The following ARAP1 variants were observed in gnomAD, a reference collection of about 807,000 sequenced individuals.
ARAP1 encodes the protein ArfGAP with RhoGAP domain, ankyrin repeat and PH domain 1, also known as arf-GAP with Rho-GAP domain, ANK repeat and PH domain-containing protein 1.
A neutral mutation model predicts 172.2 loss-of-function variants in ARAP1; 76 were observed. The ratio of observed to expected loss-of-function variants is 0.44; its 90% CI spans 0.37 to 0.53. The LOEUF (loss-of-function observed/expected upper bound fraction) is 0.53. Among genes scored for constraint, ARAP1 ranks in the 20% least tolerant of loss-of-function variants. The pLI, the probability that ARAP1 is intolerant of heterozygous loss-of-function variation, is 0.00. For missense variants in ARAP1, 1,686 were observed against 1,977.5 expected (o/e 0.85, Z 2.80); for synonymous variants, 804 against 803.3 (o/e 1.00, Z -0.01).
chr11:72,742,551 G>A (rs12271961), intron 1 of ARAP1, among the ~76,000 whole-genome samples: 27,130 of 152,014 alleles, frequency 0.18, 3,785 homozygotes, highest in African/African-American at 0.39. Flanking sequence ...TAGAGGGAGA[G>A]GGAGGCTGAG....
intron 11 of ARAP1, chr11:72,708,179 C>T (rs1425999210): frequency 6.6e-6 from 1 of 152,120 alleles, no homozygotes; most frequent in Non-Finnish European, 1.5e-5. Flanking sequence ...GACCCATTGC[C>T]ACAACCAAGG....
chr11:72,715,002 G>A (rs562436845), intron 3 of ARAP1, among the ~76,000 whole-genome samples: 58 of 152,288 alleles, frequency 3.8e-4, no homozygotes, highest in Admixed American at 7.8e-4. Flanking sequence ...GGGCTCTCAC[G>A]GCCCCACAGT....
chr11:72,719,230 A>C (rs1410144115), intron 3 of ARAP1, among the ~76,000 whole-genome samples: 1 of 152,204 alleles, frequency 6.6e-6, no homozygotes, highest in Non-Finnish European at 1.5e-5. Flanking sequence ...GAGGGAACAC[A>C]TCACTGCCCT....
At chr11:72,721,567 G>A (rs970036946) in intron 3 of ARAP1, among the ~76,000 whole-genome samples, 8 of 152,176 alleles carry the variant, frequency 5.3e-5, no homozygotes, top group African/African-American at 1.2e-4. Flanking sequence ...AACAGGCACC[G>A]TGGGCTCCTG....
rs1434403166 is a variant in ARAP1, at chr11:72,695,040, C to T, written c.3634G>A (p.Val1212Met). The T allele has an allele frequency of 3.1e-6, 5 of 1,614,156 alleles. No individual in the cohort carries two copies. Among genetic ancestry groups the T allele is most frequent in the East Asian group, 4.5e-5 (2 of 44,888 alleles). The change falls in exon 27 of 35, where the codon GTG becomes ATG. Residue 1212 changes from valine (V) to methionine (M), a missense_variant. Coordinates refer to ENST00000393609, the MANE Select transcript of ARAP1 (RefSeq NM_001040118.3). This position sits in a 1 kb window ranked among gnomAD's most constrained non-coding sequence, Gnocchi z 4.4. ...LTLEILDRRN[V>M]GIREKDYWTC... The stretch of plus-strand genomic sequence containing the variant: ...CAATAGTCCTTCTCCCTGATGCCCA[C>T]GTTCCGGCGATCCAGGATCTCCAGG...
chr11:72,699,254 C>A lies in ARAP1; in HGVS notation c.2439-147G>T. The A allele has an allele frequency of 1.4e-6, 2 of 1,401,426 alleles. No homozygotes were observed. The highest frequency in any genetic ancestry group is 2.1e-4 in the Middle Eastern group (1 of 4,854). 86.8% of individuals were successfully genotyped at this position (1,401,426 alleles called of 1,614,324 possible). A position where few individuals can be genotyped will look rare whatever the true frequency, so the allele number is the denominator to read the frequency against. Reference sequence around the variant, plus strand: ...GTCCCCTAAGAGGTGGTGGAAAAGTCTTGGGCTGGGGCCTCAAGAGACTGG... The same window carrying A: ...GTCCCCTAAGAGGTGGTGGAAAAGTATTGGGCTGGGGCCTCAAGAGACTGG... On this transcript the variant is annotated intron_variant, in intron 17 of 34. Coordinates refer to ENST00000393609, the MANE Select transcript of ARAP1 (RefSeq NM_001040118.3). This position sits in a 1 kb window ranked among gnomAD's most constrained non-coding sequence, Gnocchi z 4.2.
At chr11:72,750,292 G>A (rs936137304) in intron 1 of ARAP1, among the ~76,000 whole-genome samples, 2 of 152,184 alleles carry the variant, frequency 1.3e-5, no homozygotes, top group African/African-American at 4.8e-5. Context: ...AGGCGGGCCT[G>A]GAGCCCAGGG....
In ARAP1 at chr11:72,726,590, C is replaced by G. The variant is rs776735191; in HGVS notation, c.509+30G>C. On this transcript the variant is annotated intron_variant, in intron 3 of 34. Coordinates refer to ENST00000393609, the MANE Select transcript of ARAP1 (RefSeq NM_001040118.3). This position sits in a 1 kb window ranked among gnomAD's most constrained non-coding sequence, Gnocchi z 6.5. The stretch of plus-strand genomic sequence containing the variant: ...TACCCTCTGGGATCCTCTGCCTGTG[C>G]GCCTCCCACCCTGGGTGGCATCCAC... 2 of 1,467,872 alleles carry G rather than the reference C, an allele frequency of 1.4e-6. No individual in the cohort carries two copies. The highest frequency in any genetic ancestry group is 1.4e-5 in the African/African-American group (1 of 71,482). The allele number at this position is 1,467,872 out of a possible 1,614,324, so 90.9% of individuals were successfully genotyped here.
chr11:72,742,487 G>C (rs1391029822), intron 1 of ARAP1, among the ~76,000 whole-genome samples: 1 of 152,176 alleles, frequency 6.6e-6, no homozygotes, highest in Non-Finnish European at 1.5e-5. Flanking sequence ...GTCCTCTCAA[G>C]GGGACAGCGT....
Position 72,699,296 on chromosome 11 carries a change from G to GC in ARAP1, c.2438+120dup, listed in dbSNP as rs1856365065. On this transcript the variant is annotated intron_variant, in intron 17 of 34. Transcript: ENST00000393609. The surrounding 1 kb of genome is among the most constrained non-coding windows in gnomAD (Gnocchi z 4.2). Reference sequence around the variant, plus strand: ...AGAGACTGGAGTCGGCCCTTGTGCAGCCTCCGTTTGCTGTGTGACTCTGCG... The same window carrying GC: ...AGAGACTGGAGTCGGCCCTTGTGCAGCCCTCCGTTTGCTGTGTGACTCTGCG... 6.7e-7 allele frequency: 1 copy of GC among 1,491,440 alleles called. No homozygotes were observed. Among genetic ancestry groups the GC allele is most frequent in the Admixed American group, 1.9e-5 (1 of 52,312 alleles). The allele number at this position is 1,491,440 out of a possible 1,614,324, so 92.4% of individuals were successfully genotyped here. A position where few individuals can be genotyped will look rare whatever the true frequency, so the allele number is the denominator to read the frequency against.
In ARAP1 at chr11:72,741,240, T is replaced by C. The variant is rs1453684348; in HGVS notation, c.-127-8643A>G. On this transcript the variant is annotated intron_variant, in intron 1 of 34. Transcript: ENST00000393609. The surrounding 1 kb of genome is among the most constrained non-coding windows in gnomAD (Gnocchi z 4.5). ...CTTCTGGGCCCTCACCGCTGCCTCC[T>C]GCCTCTGCCCCCTGCAACCAGGACA... Among the ~76,000 whole-genome samples, 1 of 151,966 alleles carries C rather than the reference T, an allele frequency of 6.6e-6. No individual in the cohort carries two copies. Among genetic ancestry groups the C allele is most frequent in the East Asian group, 1.9e-4 (1 of 5,158 alleles).
intron 22 of ARAP1, 147 bp downstream of exon 22, chr11:72,696,836 G>C (rs1856217145): frequency 2.0e-6 from 2 of 999,050 alleles, no homozygotes; most frequent in East Asian, 2.6e-5. Flanking sequence ...GCTCTGTATG[G>C]AGCGGCGATG....
chr11:72,696,857 G>T, intron 22 of ARAP1, 126 bp downstream of exon 22: 1 of 1,099,228 alleles, frequency 9.1e-7, no homozygotes, highest in Non-Finnish European at 1.3e-6. Context: ...GGAATGAGAA[G>T]CAGAGGCAGG....
chr11:72,750,746 G>A (rs564995585), intron 1 of ARAP1, among the ~76,000 whole-genome samples: 104 of 150,218 alleles, frequency 6.9e-4, no homozygotes, highest in African/African-American at 2.4e-3. Flanking sequence ...GGCTGCACAA[G>A]GACTCGGGGC....
At chr11:72,722,100 CGTGT>C in intron 3 of ARAP1, 2 of 985,026 alleles carry the variant, frequency 2.0e-6, no homozygotes, top group Non-Finnish European at 2.4e-6. Context: ...TCTCTACGTG[CGTGT>C]GTGTTTGTTT....
intron 13 of ARAP1, chr11:72,705,524 C>T: frequency 2.5e-6 from 1 of 394,486 alleles, no homozygotes; most frequent in Non-Finnish European, 4.5e-6. Context: ...TTATTTTCGG[C>T]TTTACAGAAC....
rs749246888 is a variant in ARAP1, at chr11:72,699,560, G to T, written c.2303-8C>A. ...ACCAGCGCCGGCTGAACTCTGGGGA[G>T]AATTTGGGCAGGGGAGCCATCAGGG... On this transcript the variant is annotated splice_polypyrimidine_tract_variant and splice_region_variant and intron_variant, in intron 16 of 34. Transcript: ENST00000393609. This position sits in a 1 kb window ranked among gnomAD's most constrained non-coding sequence, Gnocchi z 4.2. 6 of 1,610,238 alleles carry T rather than the reference G, an allele frequency of 3.7e-6. No individual in the cohort carries two copies. In the African/African-American group the frequency reaches 4.0e-5, roughly 11 times the overall value.
chr11:72,735,126 T>C (rs1857980622), intron 1 of ARAP1, among the ~76,000 whole-genome samples: 1 of 151,972 alleles, frequency 6.6e-6, no homozygotes. Context: ...GACTACAGGC[T>C]TGCACCACCA....
rs1855633410 is a variant in ARAP1, at chr11:72,685,544, T to G, written c.*120A>C. 1 of 1,374,004 alleles carries G rather than the reference T, an allele frequency of 7.3e-7. No individual in the cohort carries two copies. The highest frequency in any genetic ancestry group is 1.4e-5 in the African/African-American group (1 of 69,948). 85.1% of individuals were successfully genotyped at this position (1,374,004 alleles called of 1,614,324 possible). A position where few individuals can be genotyped will look rare whatever the true frequency, so the allele number is the denominator to read the frequency against. On this transcript the variant is annotated 3_prime_UTR_variant, in exon 35 of 35. Transcript: ENST00000393609. ...TGCAGTCAGGATGGAGGATGTGGGT[T>G]GTGGGGTGCAGTTTCCCATGCACCC...
Sources: allele counts gnomAD v4.1 joint callset (sites outside exome capture counted in the v4.1 genomes callset), GRCh38; gene constraint gnomAD v4.1.1; non-coding constraint Gnocchi (gnomAD v3.1); transcripts MANE v1.5; gene names NCBI Gene and HGNC (gene_info 2026-07-23, HGNC 2026-07-21).